The following NTM variants were observed in gnomAD, a reference collection of about 807,000 sequenced individuals.
NTM encodes the protein neurotrimin.
NTM carries 13 observed loss-of-function variants against 42.1 expected under a neutral mutation model. That is an observed-to-expected ratio of 0.31 (90% CI 0.20 to 0.49). The LOEUF is 0.49. NTM is among the 20% of genes least tolerant of loss of function. The probability of loss-of-function intolerance (pLI) is 0.99; values close to 1 mark genes in which losing one functional copy is unlikely to be tolerated. For missense variants in NTM, 373 were observed against 452.8 expected (o/e 0.82, Z 1.60); for synonymous variants, 187 against 179.2 (o/e 1.04, Z -0.35).
chr11:131,994,079 G>T (rs1048350019), intron 2 of NTM, among the ~76,000 whole-genome samples: 2 of 151,776 alleles, frequency 1.3e-5, no homozygotes, highest in South Asian at 2.1e-4. Flanking sequence ...AAGGGAGCTC[G>T]TGTCTCTAAA....
chr11:132,247,390 A>G (rs1190574230), intron 4 of NTM, among the ~76,000 whole-genome samples: 2 of 152,226 alleles, frequency 1.3e-5, no homozygotes, highest in African/African-American at 4.8e-5. Context: ...CATCGCAAAA[A>G]TGGGGATCAT....
intron 1 of NTM, chr11:131,539,305 T>C (rs991160125): frequency 6.6e-6 from 1 of 152,134 alleles, no homozygotes; most frequent in African/African-American, 2.4e-5. Context: ...ATAGCCAATA[T>C]TGAAGGAATT....
At chr11:131,694,260 A>G (rs1364502603) in intron 1 of NTM, among the ~76,000 whole-genome samples, 2 of 152,208 alleles carry the variant, frequency 1.3e-5, no homozygotes, top group African/African-American at 4.8e-5. Context: ...AATGTAAGTA[A>G]TAGTGATGAC....
At chr11:132,176,244 C>G (rs965621797) in intron 3 of NTM, among the ~76,000 whole-genome samples, 1 of 151,584 alleles carries the variant, frequency 6.6e-6, no homozygotes, top group African/African-American at 2.4e-5. Flanking sequence ...TAGTCAGATA[C>G]AGTTTGTTGG....
At chr11:131,966,439 G>A (rs2062841725) in intron 2 of NTM, among the ~76,000 whole-genome samples, 1 of 152,146 alleles carries the variant, frequency 6.6e-6, no homozygotes, top group Non-Finnish European at 1.5e-5. Flanking sequence ...ATGCTATTGG[G>A]TAGGGGAAAA....
chr11:132,227,011 C>T (rs937957323), intron 4 of NTM, among the ~76,000 whole-genome samples: 1 of 152,182 alleles, frequency 6.6e-6, no homozygotes, highest in Non-Finnish European at 1.5e-5. Context: ...AGATAGTTGA[C>T]TATGCCAGGG....
intron 3 of NTM, among the ~76,000 whole-genome samples, chr11:132,163,732 G>A (rs185762238): frequency 6.6e-6 from 1 of 152,338 alleles, no homozygotes; most frequent in East Asian, 1.9e-4. Flanking sequence ...ATGGGCTCAA[G>A]TTGTTGTAGA....
chr11:131,973,012 G>A (rs1368373456), intron 2 of NTM, among the ~76,000 whole-genome samples: 1 of 152,124 alleles, frequency 6.6e-6, no homozygotes, highest in Non-Finnish European at 1.5e-5. Flanking sequence ...TAAACAACAT[G>A]TACTTAACAG....
intron 2 of NTM, among the ~76,000 whole-genome samples, chr11:131,972,018 G>T (rs1439918601): frequency 7.5e-6 from 1 of 133,250 alleles, no homozygotes; most frequent in Non-Finnish European, 1.6e-5. Flanking sequence ...ACTCCAGCCT[G>T]GGCGACAGAG....
chr11:131,886,834 T>A (rs951628160), intron 1 of NTM, among the ~76,000 whole-genome samples: 24 of 152,232 alleles, frequency 1.6e-4, no homozygotes, highest in Admixed American at 2.6e-4. Context: ...AGGAAGGGCT[T>A]GCTGGTCTTT....
At chr11:131,997,720 C>T (rs2068340204) in intron 2 of NTM, among the ~76,000 whole-genome samples, 1 of 152,040 alleles carries the variant, frequency 6.6e-6, no homozygotes, top group African/African-American at 2.4e-5. Flanking sequence ...TTGGAAGATG[C>T]CCTTGAAAAA....
At chr11:131,799,058 A>G (rs1398125647) in intron 1 of NTM, among the ~76,000 whole-genome samples, 1 of 152,074 alleles carries the variant, frequency 6.6e-6, no homozygotes, top group Non-Finnish European at 1.5e-5. Flanking sequence ...TTTGCCAGCA[A>G]CTCTTTTAGT....
chr11:132,023,655 G>C (rs980609192), intron 2 of NTM, among the ~76,000 whole-genome samples: 2 of 152,144 alleles, frequency 1.3e-5, no homozygotes, highest in Non-Finnish European at 2.9e-5. Context: ...AGTGAACAGC[G>C]TTATTGCAAG....
intron 1 of NTM, among the ~76,000 whole-genome samples, chr11:131,703,471 G>T (rs2076272852): frequency 6.6e-6 from 1 of 152,184 alleles, no homozygotes; most frequent in African/African-American, 2.4e-5. Context: ...ATGGATGAAA[G>T]ACTGATGAAT....
intron 1 of NTM, among the ~76,000 whole-genome samples, chr11:131,508,296 A>G (rs962932693): frequency 1.4e-5 from 2 of 146,018 alleles, no homozygotes; most frequent in African/African-American, 5.2e-5. Context: ...GCTCATCATC[A>G]CTGGCCATCA....
At chr11:131,633,688 TCTCTCCCTCCCTCTCTCCTTCTCTCC>T (rs2063954476) in intron 1 of NTM, among the ~76,000 whole-genome samples, 1 of 116,130 alleles carries the variant, frequency 8.6e-6, no homozygotes, top group Non-Finnish European at 1.7e-5. Context: ...CCTCTCTCTC[TCTCTCCCTCCCTCTCTCCTTCTCTCC>T]CTCCCTCTCT....
At chr11:131,424,600 C>CTTTTCTTTTCTTTTTTT (rs1555108116) in intron 1 of NTM, among the ~76,000 whole-genome samples, 1 of 56,054 alleles carries the variant, frequency 1.8e-5, no homozygotes, top group Non-Finnish European at 3.2e-5. Flanking sequence ...CTTTTCTTTT[C>CTTTTCTTTTCTTTTTTT]TTTTTTTTTT....
intron 1 of NTM, among the ~76,000 whole-genome samples, chr11:131,643,731 T>C (rs1036969585): frequency 6.6e-6 from 1 of 152,144 alleles, no homozygotes; most frequent in African/African-American, 2.4e-5. Context: ...GGAGCTACAA[T>C]AACACAGTGC....
chr11:131,763,440 G>A (rs1268914393), intron 1 of NTM, among the ~76,000 whole-genome samples: 2 of 152,144 alleles, frequency 1.3e-5, no homozygotes, highest in Non-Finnish European at 2.9e-5. Flanking sequence ...ATAACACTTA[G>A]CCAAGACTAA....
Sources: allele counts gnomAD v4.1 joint callset (sites outside exome capture counted in the v4.1 genomes callset), GRCh38; gene constraint gnomAD v4.1.1; transcripts MANE v1.5; gene names NCBI Gene and HGNC (gene_info 2026-07-23, HGNC 2026-07-21).